The following NXPH2 variants were observed in gnomAD, a reference collection of about 807,000 sequenced individuals.
NXPH2 encodes the protein neurexophilin 2, also known as neurexophilin-2.
NXPH2 carries 5 observed loss-of-function variants against 19.8 expected under a neutral mutation model. The observed-to-expected ratio is 0.25, with a 90% confidence interval of 0.13 to 0.53. NXPH2 has a LOEUF of 0.53. Ranked by LOEUF, NXPH2 falls within the 20% of genes least tolerant of loss-of-function variation. The probability of loss-of-function intolerance (pLI) is 0.96; values close to 1 mark genes in which losing one functional copy is unlikely to be tolerated. For synonymous variants in NXPH2, 154 were observed against 127.4 expected, an observed-to-expected ratio of 1.21 and a Z score of -1.41; for missense variants, 289 against 322.8, an observed-to-expected ratio of 0.90 and a Z score of 0.80.
chr2:138,699,477 A>C (rs1680884527), intron 1 of NXPH2, among the ~76,000 whole-genome samples: 1 of 152,034 alleles, frequency 6.6e-6, no homozygotes, highest in Non-Finnish European at 1.5e-5. Flanking sequence ...GTAGGGGGAG[A>C]AGGCAAGACA....
chr2:138,724,416 G>C (rs1681326289), intron 1 of NXPH2, among the ~76,000 whole-genome samples: 1 of 152,222 alleles, frequency 6.6e-6, no homozygotes, highest in Non-Finnish European at 1.5e-5. Context: ...ACTCAGGTCT[G>C]ATCACCAAAC....
chr2:138,677,157 G>A (rs1285390932), intron 1 of NXPH2, among the ~76,000 whole-genome samples: 1 of 152,294 alleles, frequency 6.6e-6, no homozygotes, highest in Non-Finnish European at 1.5e-5. Context: ...TACAAAACAC[G>A]TAGCTGTATA....
intron 1 of NXPH2, among the ~76,000 whole-genome samples, chr2:138,673,742 T>C: frequency 6.6e-6 from 1 of 151,744 alleles, no homozygotes; most frequent in East Asian, 1.9e-4. Flanking sequence ...CCTCCCTAAG[T>C]GTTGGGATTA....
chr2:138,703,921 C>T (rs1451108358), intron 1 of NXPH2, among the ~76,000 whole-genome samples: 1 of 152,224 alleles, frequency 6.6e-6, no homozygotes, highest in East Asian at 1.9e-4. Flanking sequence ...TCTTTCCAAA[C>T]TTAGGCAACC....
chr2:138,716,526 T>A (rs564886189), intron 1 of NXPH2, among the ~76,000 whole-genome samples: 1 of 152,148 alleles, frequency 6.6e-6, no homozygotes, highest in East Asian at 1.9e-4. Flanking sequence ...GCAATAAACA[T>A]CTGTTGTTTC....
intron 1 of NXPH2, among the ~76,000 whole-genome samples, chr2:138,717,082 G>C (rs1681206204): frequency 6.6e-6 from 1 of 152,182 alleles, no homozygotes; most frequent in South Asian, 2.1e-4. Context: ...CAGAGAAATA[G>C]TGAAATAACA....
chr2:138,705,590 A>G (rs1006297483), intron 1 of NXPH2, among the ~76,000 whole-genome samples: 11 of 152,192 alleles, frequency 7.2e-5, no homozygotes, highest in African/African-American at 2.7e-4. Flanking sequence ...AATTTATTCT[A>G]CACTATCACT....
At position 138,764,027 on chromosome 2, in the gene NXPH2, T is replaced by A. The variant is rs576958312; in HGVS notation, c.51+16164A>T. On this transcript the variant is annotated intron_variant, in intron 1 of 1. Coordinates refer to ENST00000272641, the MANE Select transcript of NXPH2 (RefSeq NM_007226.3). ...TTGTGTTCATAGATTTCACTTGAGCTAAGTGAAATACACAAAGATGTGCAC... is the reference window on the plus strand; with the variant it reads ...TTGTGTTCATAGATTTCACTTGAGCAAAGTGAAATACACAAAGATGTGCAC... 9.7e-4 allele frequency among the ~76,000 whole-genome samples: 148 copies of A among 152,284 alleles called. 1 individual carries two copies. Among genetic ancestry groups the A allele is most frequent in the African/African-American group, 3.6e-3 (148 of 41,566 alleles).
chr2:138,693,650 T>G (rs1171229371), intron 1 of NXPH2, among the ~76,000 whole-genome samples: 1 of 152,032 alleles, frequency 6.6e-6, no homozygotes, highest in Non-Finnish European at 1.5e-5. Flanking sequence ...TGTATTGGTG[T>G]ACCAGCAGGG....
chr2:138,686,941 C>A (rs1304612452), intron 1 of NXPH2, among the ~76,000 whole-genome samples: 1 of 152,094 alleles, frequency 6.6e-6, no homozygotes, highest in Non-Finnish European at 1.5e-5. Context: ...TTTTCTTAAT[C>A]CAGTCTATCA....
At chr2:138,778,952 A>G (rs956109194) in intron 1 of NXPH2, among the ~76,000 whole-genome samples, 6 of 152,236 alleles carry the variant, frequency 3.9e-5, no homozygotes, top group African/African-American at 1.4e-4. Flanking sequence ...CGTAACAAGC[A>G]TGGACCACGG....
At chr2:138,768,467 A>G (rs1422836665) in intron 1 of NXPH2, among the ~76,000 whole-genome samples, 1 of 152,218 alleles carries the variant, frequency 6.6e-6, no homozygotes, top group Non-Finnish European at 1.5e-5. Context: ...TCTCAAGCTA[A>G]GGCGTATGAC....
At chr2:138,675,168 A>G (rs753804020) in intron 1 of NXPH2, among the ~76,000 whole-genome samples, 13 of 152,342 alleles carry the variant, frequency 8.5e-5, no homozygotes, top group Non-Finnish European at 1.2e-4. Flanking sequence ...TTTTTCATTC[A>G]AAAGTATTTT....
At chr2:138,726,822 A>C (rs4128392) in intron 1 of NXPH2, among the ~76,000 whole-genome samples, 31,573 of 152,094 alleles carry the variant, frequency 0.21, 3,869 homozygotes, top group East Asian at 0.53. Flanking sequence ...AGTGAACATT[A>C]GGGTTTACTT....
chr2:138,716,452 C>T (rs563511528), intron 1 of NXPH2, among the ~76,000 whole-genome samples: 89 of 152,304 alleles, frequency 5.8e-4, no homozygotes, highest in African/African-American at 2.1e-3. Context: ...AGGAAGAATA[C>T]TCTCACCATA....
At position 138,746,871 on chromosome 2, in the gene NXPH2, G is replaced by T. The variant is rs563432609; in HGVS notation, c.51+33320C>A. Among the ~76,000 whole-genome samples the T allele has an allele frequency of 9.9e-5, 15 of 152,184 alleles. No homozygotes were observed. The East Asian group carries it at 2.7e-3, about 28-fold the overall frequency. ...TCAAAGAAATTTCCTATAAAAAAGG[G>T]TTTTGAAGCAGAAGACAGCAAAAGA... On this transcript the variant is annotated intron_variant, in intron 1 of 1. Coordinates refer to ENST00000272641, the MANE Select transcript of NXPH2 (RefSeq NM_007226.3).
intron 1 of NXPH2, among the ~76,000 whole-genome samples, chr2:138,757,419 C>T (rs545101773): frequency 9.2e-5 from 14 of 152,164 alleles, no homozygotes; most frequent in Non-Finnish European, 1.8e-4. Context: ...CCTCCACTTT[C>T]TCTGACATCT....
chr2:138,780,309 C>T lies in NXPH2; in HGVS notation c.-68G>A. The T allele has an allele frequency of 8.4e-7, 1 of 1,193,486 alleles. No individual in the cohort carries two copies. Among genetic ancestry groups the T allele is most frequent in the Non-Finnish European group, 1.1e-6 (1 of 933,208 alleles). 73.9% of individuals were successfully genotyped at this position (1,193,486 alleles called of 1,614,324 possible). ...CTGCCTCTCGCGCATCTCCACTTCGCGGGGCAGGACTGAGGACGCCAGGGA... is the reference window on the plus strand; with the variant it reads ...CTGCCTCTCGCGCATCTCCACTTCGTGGGGCAGGACTGAGGACGCCAGGGA... On this transcript the variant is annotated 5_prime_UTR_variant, in exon 1 of 2. Coordinates refer to ENST00000272641, the MANE Select transcript of NXPH2 (RefSeq NM_007226.3).
chr2:138,688,873 A>G lies in NXPH2; in HGVS notation c.52-17208T>C, dbSNP rs550610644. Among the ~76,000 whole-genome samples, 4 of 152,142 alleles carry G rather than the reference A, an allele frequency of 2.6e-5. No individual in the cohort carries two copies. In the South Asian group the frequency reaches 8.3e-4, roughly 32 times the overall value. ...ACTGCCTTTATACTCCTATAGTAGC[A>G]CCTGAACTGGTTTGTGTCCTTTCAC... On this transcript the variant is annotated intron_variant, in intron 1 of 1. Coordinates refer to ENST00000272641, the MANE Select transcript of NXPH2 (RefSeq NM_007226.3).
Sources: allele counts gnomAD v4.1 joint callset (sites outside exome capture counted in the v4.1 genomes callset), GRCh38; gene constraint gnomAD v4.1.1; transcripts MANE v1.5; gene names NCBI Gene and HGNC (gene_info 2026-07-23, HGNC 2026-07-21).